FHL5: variants seen among roughly 807,000 people sequenced by gnomAD.
FHL5 encodes the protein four and a half LIM domains 5, also known as four and a half LIM domains protein 5.
Under a neutral mutation model 32.0 loss-of-function variants are expected in FHL5, and 33 were observed. The ratio of observed to expected loss-of-function variants is 1.03; its 90% CI spans 0.78 to 1.38. The LOEUF (loss-of-function observed/expected upper bound fraction) is 1.38, where lower values mean the gene tolerates loss of function less well. Among genes scored for constraint, FHL5 ranks in the 40% most tolerant of loss-of-function variants. The probability of loss-of-function intolerance (pLI) is 0.00; values close to 1 mark genes in which losing one functional copy is unlikely to be tolerated. For missense variants in FHL5, 336 were observed against 343.9 expected (o/e 0.98, Z 0.18); for synonymous variants, 114 against 113.6 (o/e 1.00, Z -0.02).
intron 1 of FHL5, among the ~76,000 whole-genome samples, chr6:96,590,204 T>C (rs1056578696): frequency 3.3e-5 from 5 of 152,056 alleles, no homozygotes; most frequent in Non-Finnish European, 7.4e-5. Flanking sequence ...GATGGAATTT[T>C]ATTTTGCATC....
At chr6:96,607,032 A>G (rs907370829) in intron 4 of FHL5, among the ~76,000 whole-genome samples, 1 of 152,056 alleles carries the variant, frequency 6.6e-6, no homozygotes, top group Non-Finnish European at 1.5e-5. Context: ...TTCCCACTCA[A>G]AAAAAACATT....
chr6:96,602,368 C>A (rs1376231452), intron 1 of FHL5, among the ~76,000 whole-genome samples: 1 of 123,428 alleles, frequency 8.1e-6, no homozygotes, highest in Non-Finnish European at 1.7e-5. Flanking sequence ...TTTTTTGTAA[C>A]AACAAAGAAT....
At chr6:96,606,129 AT>A (rs1771273253) in intron 4 of FHL5, 58 bp downstream of exon 4, 1 of 1,430,764 alleles carries the variant, frequency 7.0e-7, no homozygotes, top group African/African-American at 1.4e-5. Context: ...TTTTAGCTGT[AT>A]CATATATTTA....
intron 2 of FHL5, 140 bp downstream of exon 2, chr6:96,603,912 G>A: frequency 1.6e-6 from 1 of 637,464 alleles, no homozygotes; most frequent in East Asian, 2.8e-5. Context: ...GTTACCAGCA[G>A]TCAAGCTCCA....
At chr6:96,585,564 TAAA>T (rs764440993) in intron 1 of FHL5, among the ~76,000 whole-genome samples, 2 of 151,054 alleles carry the variant, frequency 1.3e-5, no homozygotes, top group Non-Finnish European at 3.0e-5. Context: ...AAAGTAATCT[TAAA>T]AAAAAACCCT....
At chr6:96,578,709 G>A (rs558482192) in intron 1 of FHL5, among the ~76,000 whole-genome samples, 114 of 152,154 alleles carry the variant, frequency 7.5e-4, no homozygotes, top group Non-Finnish European at 1.2e-3. Flanking sequence ...AGGTATAGTG[G>A]CATGCGCCTG....
chr6:96,602,825 A>G (rs796648625), intron 1 of FHL5, among the ~76,000 whole-genome samples: 4 of 152,244 alleles, frequency 2.6e-5, no homozygotes, highest in African/African-American at 9.6e-5. Context: ...GTTGTTTTCT[A>G]CCACTGATGA....
intron 1 of FHL5, among the ~76,000 whole-genome samples, chr6:96,580,106 G>T (rs1770668191): frequency 6.6e-6 from 1 of 152,110 alleles, no homozygotes; most frequent in Admixed American, 6.6e-5. Context: ...TCAAAGAAAG[G>T]ATGCTTACCA....
In FHL5 at chr6:96,583,954, G is replaced by A. The variant is rs983192771; in HGVS notation, c.-12-19648G>A. 6.6e-5 allele frequency among the ~76,000 whole-genome samples: 10 copies of A among 151,804 alleles called. No individual in the cohort carries two copies. In the East Asian group the frequency reaches 1.4e-3, roughly 21 times the overall value. On this transcript the variant is annotated intron_variant, in intron 1 of 5. Transcript: ENST00000450218. ...TTATTCTATTCATAGAATTCTTTTC[G>A]TATATGTGTTTTCATTAGTGCTTGT...
chr6:96,605,846 T>TA (rs1302467150), intron 3 of FHL5, 56 bp from the exon 4 acceptor site: 12 of 1,483,950 alleles, frequency 8.1e-6, no homozygotes, highest in African/African-American at 1.4e-5. Context: ...TGTATTTGCT[T>TA]AAAAAATAAA....
intron 1 of FHL5, among the ~76,000 whole-genome samples, chr6:96,574,228 C>G (rs1252749199): frequency 6.6e-6 from 1 of 152,120 alleles, no homozygotes; most frequent in Non-Finnish European, 1.5e-5. Flanking sequence ...AAGTTCTTTT[C>G]AAATCCTAAT....
chr6:96,604,228 C>T (rs1771219973), intron 2 of FHL5, among the ~76,000 whole-genome samples: 1 of 151,978 alleles, frequency 6.6e-6, no homozygotes, highest in East Asian at 1.9e-4. Flanking sequence ...ACCACCCCTT[C>T]CTCCGACATG....
intron 1 of FHL5, among the ~76,000 whole-genome samples, chr6:96,566,069 T>C (rs1770351002): frequency 6.6e-6 from 1 of 152,072 alleles, no homozygotes; most frequent in African/African-American, 2.4e-5. Context: ...ATAGTTACCC[T>C]ATAGTGCTAT....
intron 1 of FHL5, among the ~76,000 whole-genome samples, chr6:96,588,598 A>G (rs1019846822): frequency 6.6e-6 from 1 of 152,178 alleles, no homozygotes. Context: ...TGTTGAACAG[A>G]TCTATTTAAA....
At chr6:96,588,789 CTCTT>C (rs921308130) in intron 1 of FHL5, among the ~76,000 whole-genome samples, 5 of 151,912 alleles carry the variant, frequency 3.3e-5, no homozygotes, top group Non-Finnish European at 7.4e-5. Flanking sequence ...TTTTCTAACT[CTCTT>C]TCAGTTACTT....
chr6:96,579,086 C>G (rs77109066), intron 1 of FHL5, among the ~76,000 whole-genome samples: 3,619 of 152,116 alleles, frequency 0.024, 52 homozygotes, highest in Non-Finnish European at 0.03. Context: ...ACGGGAGACT[C>G]AAGTGGAATA....
At chr6:96,614,028 C>T (rs1035822083) in intron 5 of FHL5, among the ~76,000 whole-genome samples, 4 of 152,214 alleles carry the variant, frequency 2.6e-5, no homozygotes, top group African/African-American at 4.8e-5. Flanking sequence ...TTACTGCAAA[C>T]AACCCTCATG....
intron 1 of FHL5, among the ~76,000 whole-genome samples, chr6:96,596,561 T>A (rs1379891249): frequency 1.3e-5 from 2 of 152,090 alleles, no homozygotes; most frequent in Non-Finnish European, 2.9e-5. Flanking sequence ...GATATCTGCT[T>A]CATCTCTTTC....
chr6:96,611,556 A>G (rs79239558), intron 5 of FHL5, among the ~76,000 whole-genome samples: 3,800 of 152,336 alleles, frequency 0.025, 54 homozygotes, highest in Non-Finnish European at 0.03. Flanking sequence ...GCAATTTATA[A>G]TCACTTAATA....
Sources: allele counts gnomAD v4.1 joint callset (sites outside exome capture counted in the v4.1 genomes callset), GRCh38; gene constraint gnomAD v4.1.1; transcripts MANE v1.5; gene names NCBI Gene and HGNC (gene_info 2026-07-23, HGNC 2026-07-21).